GOLGB1: variants seen among roughly 807,000 people sequenced by gnomAD.
GOLGB1 encodes the protein golgin subfamily B member 1.
Under a neutral mutation model 336.9 loss-of-function variants are expected in GOLGB1, and 174 were observed. The observed-to-expected ratio is 0.52, with a 90% CI of 0.46 to 0.59. The LOEUF (loss-of-function observed/expected upper bound fraction) is 0.59. GOLGB1 is among the 20% of genes least tolerant of loss of function. GOLGB1 has a pLI of 0.00. For synonymous variants in GOLGB1, 1,208 were observed against 1,289.2 expected (o/e 0.94, Z 1.35); for missense variants, 3,331 against 3,645.3 (o/e 0.91, Z 2.22).
chr3:121,669,407 G>A (rs1397851394), intron 17 of GOLGB1, 52 bp from the exon 18 acceptor site: 4 of 1,429,532 alleles, frequency 2.8e-6, no homozygotes, highest in Non-Finnish European at 3.8e-6. Flanking sequence ...AAGCAGTGCT[G>A]AGGTGAAATG....
rs1392209924 is a variant in GOLGB1 at position 121,692,245 on chromosome 3, T to C, written c.7119A>G (p.Glu2373=). ...TTTCTTCATGCAGCCTACTGGTCAG[T>C]TCTCTGGAGGCCTGAAGATCAGTCT... The part of the protein sequence containing the change: ...QLETDLQASR[E]LTSRLHEEIN... The change falls in exon 14 of 22, where the codon GAA becomes GAG. Residue 2373 remains glutamate, a synonymous_variant. Transcript: ENST00000614479. The C allele has an allele frequency of 6.2e-7, 1 of 1,602,640 alleles. No homozygotes were observed. The highest frequency in any genetic ancestry group is 8.5e-7 in the Non-Finnish European group (1 of 1,176,884).
intron 21 of GOLGB1, 119 bp from the exon 22 acceptor site, chr3:121,664,733 A>C: frequency 9.9e-7 from 1 of 1,008,026 alleles, no homozygotes; most frequent in Non-Finnish European, 1.5e-6. Context: ...GGGTATTCTG[A>C]GAGGAAAGTT....
At chr3:121,740,492 T>C (rs1296877448) in intron 1 of GOLGB1, among the ~76,000 whole-genome samples, 1 of 152,184 alleles carries the variant, frequency 6.6e-6, no homozygotes, top group Admixed American at 6.5e-5. Flanking sequence ...GTGAACAACG[T>C]CTGGAGTTCA....
intron 1 of GOLGB1, among the ~76,000 whole-genome samples, chr3:121,743,322 G>A (rs889320976): frequency 6.6e-6 from 1 of 152,178 alleles, no homozygotes; most frequent in Non-Finnish European, 1.5e-5. Flanking sequence ...GCAGGGACAT[G>A]GATGAAGCTG....
intron 1 of GOLGB1, among the ~76,000 whole-genome samples, chr3:121,743,227 A>G (rs940568217): frequency 1.3e-5 from 2 of 152,250 alleles, no homozygotes; most frequent in East Asian, 3.8e-4. Context: ...AATGTCCATC[A>G]ATGACAGACT....
rs954957268 is a variant in GOLGB1 at position 121,728,114 on chromosome 3, A to G, written c.403-1073T>C. On this transcript the variant is annotated intron_variant, in intron 4 of 21. Transcript: ENST00000614479. The stretch of plus-strand genomic sequence containing the variant: ...GGTTGGTGCTACCACAGTGAGGGGA[A>G]GAGAACTGACAGAGGAAAAACCAAA... Among the ~76,000 whole-genome samples, 7 of 152,200 alleles carry G rather than the reference A, an allele frequency of 4.6e-5. 1 individual carries two copies. Among genetic ancestry groups the G allele is most frequent in the African/African-American group, 1.7e-4 (7 of 41,448 alleles).
intron 15 of GOLGB1, among the ~76,000 whole-genome samples, chr3:121,678,508 G>C (rs1940680394): frequency 6.6e-6 from 1 of 152,020 alleles, no homozygotes; most frequent in South Asian, 2.1e-4. Context: ...GGTGCTGCTT[G>C]ATCAGCAGCA....
At chr3:121,678,536 TCTC>T (rs1410597184) in intron 15 of GOLGB1, among the ~76,000 whole-genome samples, 2 of 152,026 alleles carry the variant, frequency 1.3e-5, no homozygotes, top group Non-Finnish European at 2.9e-5. Context: ...ACATGGTAAT[TCTC>T]CTTTTAATAT....
At position 121,702,563 on chromosome 3, in the gene GOLGB1, C is replaced by T; in HGVS notation, c.1437G>A (p.Gln479=). 4 of 1,536,830 alleles carry T rather than the reference C, an allele frequency of 2.6e-6. No individual in the cohort carries two copies. The highest frequency in any genetic ancestry group is 3.5e-6 in the Non-Finnish European group (4 of 1,141,370). Residue 479 remains glutamine (Q), a synonymous_variant, in exon 11 of 22, where the codon CAG becomes CAA. Transcript: ENST00000614479. ...CATTCTCTAGTTCTACCACTCTCTT[C>T]TGCAAAGAAGCAATATTCTCCTCAG... ...AVTEENIASL[Q]KRVVELENEK...
intron 1 of GOLGB1, among the ~76,000 whole-genome samples, chr3:121,740,972 G>T (rs1251673091): frequency 2.0e-5 from 3 of 151,064 alleles, no homozygotes; most frequent in Non-Finnish European, 2.9e-5. Flanking sequence ...TAGGCTAAAA[G>T]ATCATATGAC....
At chr3:121,745,647 C>G (rs1003438509) in intron 1 of GOLGB1, among the ~76,000 whole-genome samples, 1 of 152,038 alleles carries the variant, frequency 6.6e-6, no homozygotes, top group Non-Finnish European at 1.5e-5. Context: ...ATATGTATGA[C>G]TGTTGGACAA....
At chr3:121,721,131 G>T (rs1393871146) in intron 6 of GOLGB1, among the ~76,000 whole-genome samples, 2 of 151,458 alleles carry the variant, frequency 1.3e-5, no homozygotes, top group Non-Finnish European at 2.9e-5. Flanking sequence ...ATTTAAAAAG[G>T]ACACAATAAA....
intron 21 of GOLGB1, 76 bp downstream of exon 21, chr3:121,664,847 TCTC>T (rs1938374812): frequency 2.2e-6 from 2 of 892,172 alleles, no homozygotes; most frequent in African/African-American, 1.6e-5. Context: ...CCACATTCCT[TCTC>T]CTCAGCTCCT....
At position 121,694,205 on chromosome 3, in the gene GOLGB1, C is replaced by G. The variant is rs1248084190; in HGVS notation, c.6318G>C (p.Leu2106Phe). 1.1e-5 allele frequency: 18 copies of G among 1,612,254 alleles called. No individual in the cohort carries two copies. Among genetic ancestry groups the G allele is most frequent in the Non-Finnish European group, 1.4e-5 (17 of 1,179,962 alleles). Reference sequence around the variant, plus strand: ...CTTTATTTGACTGAAGTTCCTTTTTCAACTTGAGATTGTCTGCTAGGACCC... The same window carrying G: ...CTTTATTTGACTGAAGTTCCTTTTTGAACTTGAGATTGTCTGCTAGGACCC... ...AARVLADNLK[L>F]KKELQSNKES... Residue 2106 changes from leucine (L) to phenylalanine (F), a missense_variant, in exon 13 of 22, where the codon TTG (leucine) becomes TTC (phenylalanine). Coordinates refer to ENST00000614479, the MANE Select transcript of GOLGB1 (RefSeq NM_001366282.2).
rs1019593854 is a variant in GOLGB1, at chr3:121,692,543, T to G, written c.6821A>C (p.Gln2274Pro). 1.2e-6 allele frequency: 2 copies of G among 1,604,558 alleles called. No homozygotes were observed. Among genetic ancestry groups the G allele is most frequent in the Middle Eastern group, 1.7e-4 (1 of 6,040 alleles). The stretch of plus-strand genomic sequence containing the variant: ...CTTCTGCTGAAGCTGGACCTCTGTC[T>G]GGGCCTTGGACTCCCAAATCTGCTT... Reference protein sequence around the residue: ...HDKQIWESKAQTEVQLQQKVC... With the variant: ...HDKQIWESKAPTEVQLQQKVC... Residue 2274 changes from glutamine to proline, a missense_variant, in exon 14 of 22, where the codon CAG (glutamine) becomes CCG (proline). Transcript: ENST00000614479.
At chr3:121,721,341 C>A (rs1945180935) in intron 6 of GOLGB1, among the ~76,000 whole-genome samples, 1 of 152,076 alleles carries the variant, frequency 6.6e-6, no homozygotes, top group South Asian at 2.1e-4. Flanking sequence ...ACCGCTGCCC[C>A]CACCCCCCAA....
At chr3:121,710,683 T>TAAAC (rs748122421) in intron 10 of GOLGB1, among the ~76,000 whole-genome samples, 52 of 151,650 alleles carry the variant, frequency 3.4e-4, no homozygotes, top group Middle Eastern at 3.4e-3. Flanking sequence ...CACCAATAAA[T>TAAAC]AAACAAACAA....
intron 10 of GOLGB1, among the ~76,000 whole-genome samples, chr3:121,712,246 A>C (rs1944414601): frequency 6.6e-6 from 1 of 152,174 alleles, no homozygotes; most frequent in East Asian, 1.9e-4. Context: ...GAAACAACGA[A>C]ATATCCGTAC....
At chr3:121,749,423 C>T (rs887522688) in intron 1 of GOLGB1, among the ~76,000 whole-genome samples, 1 of 152,162 alleles carries the variant, frequency 6.6e-6, no homozygotes, top group African/African-American at 2.4e-5. Context: ...CGAAGGCCCA[C>T]CGGAGAGGCC....
Sources: allele counts gnomAD v4.1 joint callset (sites outside exome capture counted in the v4.1 genomes callset), GRCh38; gene constraint gnomAD v4.1.1; transcripts MANE v1.5; gene names NCBI Gene and HGNC (gene_info 2026-07-23, HGNC 2026-07-21).